The following PAPSS2 variants were observed in gnomAD, a reference collection of about 807,000 sequenced individuals.
PAPSS2 encodes bifunctional 3'-phosphoadenosine 5'-phosphosulfate synthase 2.
Under a neutral mutation model 66.5 loss-of-function variants are expected in PAPSS2, and 61 were observed. The observed-to-expected ratio is 0.92, with a 90% confidence interval of 0.75 to 1.14. The LOEUF is 1.14. Ranked by LOEUF, PAPSS2 falls within the 50% of genes most tolerant of loss-of-function variation. The probability of loss-of-function intolerance (pLI) is 0.00; values close to 1 mark genes in which losing one functional copy is unlikely to be tolerated. For missense variants in PAPSS2, 708 were observed against 789.6 expected (o/e 0.90, Z 1.24); for synonymous variants, 289 against 287.5 (o/e 1.01, Z -0.05).
chr10:87,697,429 A>G (rs182486032), intron 1 of PAPSS2, among the ~76,000 whole-genome samples: 14 of 152,312 alleles, frequency 9.2e-5, no homozygotes, highest in African/African-American at 3.4e-4. Flanking sequence ...TCAGCCAGAC[A>G]CAGACCCCTG....
chr10:87,719,839 G>GC (rs1480624130), intron 7 of PAPSS2, among the ~76,000 whole-genome samples: 2 of 151,932 alleles, frequency 1.3e-5, no homozygotes, highest in African/African-American at 2.4e-5. Flanking sequence ...AGTCCTTCCC[G>GC]CCCCCCATCA....
At position 87,660,804 on chromosome 10, in the gene PAPSS2, G is replaced by GAAA. The variant is rs61018901; in HGVS notation, c.27+824_27+826dup. Among the ~76,000 whole-genome samples, 103 of 114,120 alleles carry GAAA rather than the reference G, an allele frequency of 9.0e-4. 4 individuals carry two copies. The highest frequency in any genetic ancestry group is 3.1e-3 in the East Asian group (8 of 2,556). The allele number at this position is 114,120 out of a possible 152,430, so 74.9% of individuals were successfully genotyped here. The stretch of plus-strand genomic sequence containing the variant: ...TTTGTCAATTATACCCCAATAAACT[G>GAAA]AAAAAAAAAAAAAAAAAAAAAAAAA... On this transcript the variant is annotated intron_variant, in intron 1 of 12. Transcript: ENST00000456849.
chr10:87,683,340 A>T (rs1853048156), intron 1 of PAPSS2, among the ~76,000 whole-genome samples: 1 of 151,206 alleles, frequency 6.6e-6, no homozygotes, highest in African/African-American at 2.4e-5. Context: ...TGATCCACCC[A>T]CCTCAGGTGA....
At chr10:87,716,437 T>C (rs1564722304) in intron 7 of PAPSS2, among the ~76,000 whole-genome samples, 1 of 152,224 alleles carries the variant, frequency 6.6e-6, no homozygotes, top group Non-Finnish European at 1.5e-5. Context: ...CAGAAACATG[T>C]GTTATTGTGA....
chr10:87,698,155 A>T (rs1242504121), intron 1 of PAPSS2, among the ~76,000 whole-genome samples: 3 of 152,120 alleles, frequency 2.0e-5, no homozygotes. Context: ...TCAAATTCTT[A>T]TCTCTTTGAC....
chr10:87,700,826 T>C (rs1853294786), intron 1 of PAPSS2, among the ~76,000 whole-genome samples: 2 of 151,638 alleles, frequency 1.3e-5, no homozygotes, highest in South Asian at 4.2e-4. Context: ...ATATCCAAAG[T>C]AGAAGGGAAA....
At chr10:87,691,230 T>C (rs1382549917) in intron 1 of PAPSS2, among the ~76,000 whole-genome samples, 1 of 152,104 alleles carries the variant, frequency 6.6e-6, no homozygotes, top group East Asian at 1.9e-4. Context: ...TAACAAACAT[T>C]TGAATAACAA....
chr10:87,701,482 T>C (rs1365987947), intron 1 of PAPSS2, among the ~76,000 whole-genome samples: 1 of 150,908 alleles, frequency 6.6e-6, no homozygotes, highest in Non-Finnish European at 1.5e-5. Context: ...AGTTCAGTAG[T>C]ATGATAAGGG....
intron 11 of PAPSS2, among the ~76,000 whole-genome samples, 165 bp from the exon 12 acceptor site, chr10:87,744,837 G>T (rs2131732110): frequency 6.6e-6 from 1 of 152,294 alleles, no homozygotes; most frequent in East Asian, 1.9e-4. Context: ...ATATAACAAA[G>T]CATGAAGAGT....
chr10:87,692,822 G>A (rs778262661), intron 1 of PAPSS2, among the ~76,000 whole-genome samples: 12 of 152,320 alleles, frequency 7.9e-5, no homozygotes, highest in African/African-American at 7.2e-5. Context: ...AGGGTAGCCC[G>A]CGAGGTTGAG....
intron 1 of PAPSS2, among the ~76,000 whole-genome samples, chr10:87,671,565 C>T (rs1373449771): frequency 6.6e-6 from 1 of 152,172 alleles, no homozygotes; most frequent in Non-Finnish European, 1.5e-5. Flanking sequence ...TAACTCTACA[C>T]CCAGCCTTGT....
intron 8 of PAPSS2, among the ~76,000 whole-genome samples, chr10:87,722,471 T>C (rs977932079): frequency 6.6e-6 from 1 of 152,198 alleles, no homozygotes. Context: ...CAAACAACCA[T>C]GAAGCAGATC....
In PAPSS2 at chr10:87,714,195, G is replaced by T; in HGVS notation, c.520+13G>T. 6.2e-7 allele frequency: 1 copy of T among 1,611,448 alleles called. No homozygotes were observed. The highest frequency in any genetic ancestry group is 2.2e-5 in the East Asian group (1 of 44,866). ...GGGGAGATTAAAGGTAAGAGAATTG[G>T]CTAGTAGCGTCTACCAGTTACATAG... is the stretch of plus-strand genomic sequence containing the variant. On this transcript the variant is annotated intron_variant, in intron 4 of 12. Transcript: ENST00000456849.
chr10:87,696,970 T>C (rs1240931431), intron 1 of PAPSS2, among the ~76,000 whole-genome samples: 2 of 152,236 alleles, frequency 1.3e-5, no homozygotes, highest in Non-Finnish European at 2.9e-5. Context: ...ATGAACCAAA[T>C]ATACATTGTC....
chr10:87,724,556 A>G (rs1437750067), intron 8 of PAPSS2, among the ~76,000 whole-genome samples: 1 of 150,540 alleles, frequency 6.6e-6, no homozygotes, highest in East Asian at 1.9e-4. Flanking sequence ...ATCTCTCTAT[A>G]TAGACATAGA....
chr10:87,712,742 C>T (rs564049345), intron 2 of PAPSS2, among the ~76,000 whole-genome samples: 1 of 152,260 alleles, frequency 6.6e-6, no homozygotes, highest in Admixed American at 6.5e-5. Context: ...CAGGCATGAG[C>T]CACCACCATG....
At chr10:87,675,357 G>A (rs190016791) in intron 1 of PAPSS2, among the ~76,000 whole-genome samples, 4 of 152,192 alleles carry the variant, frequency 2.6e-5, no homozygotes, top group East Asian at 1.9e-4. Context: ...AAAAAGATTC[G>A]CATATTTGAA....
In PAPSS2 at chr10:87,741,356, A is replaced by G; in HGVS notation, c.1208A>G (p.Lys403Arg). 1 of 1,613,166 alleles carries G rather than the reference A, an allele frequency of 6.2e-7. No homozygotes were observed. Among genetic ancestry groups the G allele is most frequent in the Non-Finnish European group, 8.5e-7 (1 of 1,179,118 alleles). Residue 403 changes from lysine to arginine, a missense_variant, in exon 10 of 13, where the codon AAA becomes AGA. Lys to Arg is a conservative substitution (Grantham distance 26). Transcript: ENST00000456849. ...LTPLELKQKC[K>R]EMNADAVFAF... is the part of the protein sequence containing the mutation. ...CCTCTGGAGCTCAAACAGAAATGTA[A>G]AGAAATGAATGCTGGTATGTAAACT...
intron 1 of PAPSS2, among the ~76,000 whole-genome samples, chr10:87,671,754 A>T (rs17117244): frequency 0.073 from 11,075 of 152,264 alleles, 713 homozygotes; most frequent in East Asian, 0.33. Flanking sequence ...CCTAATAACC[A>T]GAACCAATTG....
Sources: gnomAD v4.1 joint callset for allele counts (sites outside exome capture counted in the v4.1 genomes callset) on GRCh38, gnomAD v4.1.1 for gene constraint, MANE v1.5 for transcripts, NCBI Gene and HGNC (gene_info 2026-07-23, HGNC 2026-07-21) for gene names.